The following TAOK1 variants were observed in gnomAD, a reference collection of about 807,000 sequenced individuals.
TAOK1 encodes TAO kinase 1, also known as serine/threonine-protein kinase TAO1.
In TAOK1, 21 loss-of-function variants were observed where a neutral mutation model predicts 138.3. That is an observed-to-expected ratio of 0.15 (90% CI 0.11 to 0.22). The LOEUF is 0.22. Ranked by LOEUF, TAOK1 falls within the 10% of genes least tolerant of loss-of-function variation. TAOK1 has a pLI of 1.00. For missense variants in TAOK1, 651 were observed against 1,227.7 expected (o/e 0.53, Z 7.02); for synonymous variants, 361 against 398.4 (o/e 0.91, Z 1.12).
rs907328129 is a variant in TAOK1 at position 29,522,192 on chromosome 17, C to G, written c.1909-88C>G. On this transcript the variant is annotated intron_variant, in intron 16 of 19. Coordinates refer to ENST00000261716, the MANE Select transcript of TAOK1 (RefSeq NM_020791.4). ...AATTGAATAACAGGGTTAATTACAT[C>G]TGTTTACTGGTTATTCTGTTAATTA... 5 of 1,492,194 alleles carry G rather than the reference C, an allele frequency of 3.4e-6. No homozygotes were observed. The African/African-American group carries it at 5.6e-5, about 17-fold the overall frequency. 92.4% of individuals were successfully genotyped at this position (1,492,194 alleles called of 1,614,324 possible).
At chr17:29,499,258 TCTCA>T (rs2031469962) in intron 12 of TAOK1, among the ~76,000 whole-genome samples, 1 of 141,294 alleles carries the variant, frequency 7.1e-6, no homozygotes, top group African/African-American at 2.6e-5. Context: ...TGAAACGGAG[TCTCA>T]CTCTGTCACC....
chr17:29,399,435 C>G (rs1487219111), intron 1 of TAOK1, among the ~76,000 whole-genome samples: 1 of 152,088 alleles, frequency 6.6e-6, no homozygotes, highest in East Asian at 1.9e-4. Flanking sequence ...CCTGCCTCAG[C>G]CTCCCAAGTA....
chr17:29,531,680 C>G (rs1424619350), intron 18 of TAOK1, among the ~76,000 whole-genome samples: 3 of 151,434 alleles, frequency 2.0e-5, no homozygotes, highest in Non-Finnish European at 4.4e-5. Flanking sequence ...GGAGAATCAC[C>G]TGAACCCCGG....
chr17:29,475,398 A>G (rs2030922992), intron 3 of TAOK1, among the ~76,000 whole-genome samples: 1 of 152,048 alleles, frequency 6.6e-6, no homozygotes, highest in South Asian at 2.1e-4. Context: ...AAATTAGATG[A>G]GCATGGTGGT....
intron 4 of TAOK1, among the ~76,000 whole-genome samples, chr17:29,476,487 C>G (rs2030943252): frequency 6.6e-6 from 1 of 152,166 alleles, no homozygotes; most frequent in African/African-American, 2.4e-5. Flanking sequence ...AACAAGGATA[C>G]TAATAGGACC....
chr17:29,495,915 T>TA (rs778249210), intron 11 of TAOK1, among the ~76,000 whole-genome samples, 188 bp downstream of exon 11: 97 of 151,218 alleles, frequency 6.4e-4, no homozygotes, highest in Non-Finnish European at 1.1e-3. Flanking sequence ...TAAGAAAAGT[T>TA]AAAAAAAAAG....
chr17:29,464,922 G>T (rs776569223), intron 2 of TAOK1, among the ~76,000 whole-genome samples: 2 of 149,952 alleles, frequency 1.3e-5, no homozygotes, highest in Non-Finnish European at 3.0e-5. Flanking sequence ...CTGGGTTCAA[G>T]CGATTCTTGT....
chr17:29,443,888 G>C lies in TAOK1; in HGVS notation c.-94-7567G>C, dbSNP rs1208089410. ...CCAGCACTTTGGGAGGCCGAAGCGG[G>C]CAGATTACCTGAGGTCAGGAGTTCG... On this transcript the variant is annotated intron_variant, in intron 1 of 19. Transcript: ENST00000261716. 3.3e-5 allele frequency among the ~76,000 whole-genome samples: 5 copies of C among 152,280 alleles called. No homozygotes were observed. In the East Asian group the frequency reaches 9.6e-4, roughly 29 times the overall value.
chr17:29,533,168 G>A (rs1214166215), intron 18 of TAOK1, among the ~76,000 whole-genome samples: 5 of 151,234 alleles, frequency 3.3e-5, no homozygotes, highest in Non-Finnish European at 7.4e-5. Flanking sequence ...AGATGGGGTC[G>A]CGGCCGGGCA....
intron 7 of TAOK1, among the ~76,000 whole-genome samples, chr17:29,481,390 C>T (rs1290408001): frequency 1.3e-5 from 2 of 151,732 alleles, no homozygotes; most frequent in African/African-American, 4.8e-5. Flanking sequence ...GATGGGGTTT[C>T]ACCATGTTGC....
At chr17:29,417,104 C>T (rs1905284079) in intron 1 of TAOK1, among the ~76,000 whole-genome samples, 1 of 152,092 alleles carries the variant, frequency 6.6e-6, no homozygotes, top group Non-Finnish European at 1.5e-5. Flanking sequence ...ACCTCCATCT[C>T]CTGGGTTCAA....
At chr17:29,534,343 T>G in intron 19 of TAOK1, 43 bp downstream of exon 19, 1 of 1,450,928 alleles carries the variant, frequency 6.9e-7, no homozygotes, top group East Asian at 2.5e-5. Context: ...CGAATTAGCT[T>G]TTGTCAGAAG....
At chr17:29,479,557 A>G (rs577904146) in intron 6 of TAOK1, among the ~76,000 whole-genome samples, 25 of 152,284 alleles carry the variant, frequency 1.6e-4, no homozygotes, top group African/African-American at 5.3e-4. Flanking sequence ...TGGAATTTCA[A>G]CCTAAGGTTT....
intron 19 of TAOK1, among the ~76,000 whole-genome samples, chr17:29,534,545 G>T (rs117400305): frequency 6.1e-4 from 93 of 152,274 alleles, no homozygotes; most frequent in Admixed American, 1.6e-3. Flanking sequence ...AAAAGATATG[G>T]GTGTGTGAAG....
At chr17:29,426,886 T>C (rs964919879) in intron 1 of TAOK1, among the ~76,000 whole-genome samples, 2 of 152,206 alleles carry the variant, frequency 1.3e-5, no homozygotes, top group African/African-American at 4.8e-5. Context: ...TTGAATATTT[T>C]ATAGTAGAGC....
chr17:29,519,129 ATGAAG>A (rs1567742417), intron 16 of TAOK1, among the ~76,000 whole-genome samples: 2 of 152,174 alleles, frequency 1.3e-5, no homozygotes, highest in African/African-American at 4.8e-5. Context: ...AATGGGTTCC[ATGAAG>A]TGTGTGCTGC....
chr17:29,497,196 G>A (rs1013756997), intron 11 of TAOK1, among the ~76,000 whole-genome samples: 3 of 151,136 alleles, frequency 2.0e-5, no homozygotes, highest in Admixed American at 1.3e-4. Flanking sequence ...GCTTTCCATC[G>A]AGAGAGACCA....
chr17:29,510,450 A>G (rs2031701129), intron 14 of TAOK1, among the ~76,000 whole-genome samples: 1 of 152,238 alleles, frequency 6.6e-6, no homozygotes, highest in Non-Finnish European at 1.5e-5. Flanking sequence ...TTATCTCTGG[A>G]TGCCAAAATT....
At chr17:29,500,624 C>T (rs1485938239) in intron 12 of TAOK1, among the ~76,000 whole-genome samples, 2 of 151,712 alleles carry the variant, frequency 1.3e-5, no homozygotes, top group Non-Finnish European at 2.9e-5. Flanking sequence ...ACCTGTAATC[C>T]CAGCTACTCA....
Sources: gnomAD v4.1 joint callset for allele counts (sites outside exome capture counted in the v4.1 genomes callset) on GRCh38, gnomAD v4.1.1 for gene constraint, MANE v1.5 for transcripts, NCBI Gene and HGNC (gene_info 2026-07-23, HGNC 2026-07-21) for gene names.